HS3ST5: variants seen among roughly 807,000 people sequenced by gnomAD.
The protein encoded by HS3ST5 is heparan sulfate-glucosamine 3-sulfotransferase 5.
HS3ST5 carries 10 observed loss-of-function variants against 25.4 expected under a neutral mutation model. The ratio of observed to expected loss-of-function variants is 0.39; its 90% CI spans 0.24 to 0.67. The LOEUF (loss-of-function observed/expected upper bound fraction) is 0.67. Ranked by LOEUF, HS3ST5 falls within the 30% of genes least tolerant of loss-of-function variation. The probability of loss-of-function intolerance (pLI) is 0.44; values close to 1 mark genes in which losing one functional copy is unlikely to be tolerated. For missense variants in HS3ST5, 324 were observed against 420.7 expected, an observed-to-expected ratio of 0.77 and a Z score of 2.01; for synonymous variants, 170 against 162.4, an observed-to-expected ratio of 1.05 and a Z score of -0.36.
chr6:114,149,058 G>A (rs1046495867), intron 3 of HS3ST5, among the ~76,000 whole-genome samples: 2 of 152,166 alleles, frequency 1.3e-5, no homozygotes, highest in African/African-American at 4.8e-5. Context: ...TTAAAATGGT[G>A]ATTATTAAAA....
intron 3 of HS3ST5, among the ~76,000 whole-genome samples, chr6:114,095,840 G>A (rs1474127824): frequency 1.3e-5 from 2 of 152,020 alleles, no homozygotes; most frequent in South Asian, 2.1e-4. Context: ...AGTCCCCAAA[G>A]CCTTCCATAG....
intron 1 of HS3ST5, among the ~76,000 whole-genome samples, chr6:114,268,579 G>A (rs1240618647): frequency 6.6e-6 from 1 of 152,120 alleles, no homozygotes; most frequent in African/African-American, 2.4e-5. Context: ...TATGAAAGAA[G>A]GAATACTCAT....
chr6:114,126,171 C>T (rs889456336), intron 3 of HS3ST5, among the ~76,000 whole-genome samples: 1 of 152,176 alleles, frequency 6.6e-6, no homozygotes, highest in Non-Finnish European at 1.5e-5. Flanking sequence ...GCCAAATACA[C>T]ATTCTACGCA....
At chr6:114,079,922 T>C (rs1431412465) in intron 3 of HS3ST5, among the ~76,000 whole-genome samples, 1 of 152,062 alleles carries the variant, frequency 6.6e-6, no homozygotes. Context: ...ATTACAGGCA[T>C]GTGCCACCAT....
chr6:114,258,730 G>T (rs1417569384), intron 1 of HS3ST5, among the ~76,000 whole-genome samples: 1 of 152,036 alleles, frequency 6.6e-6, no homozygotes, highest in East Asian at 1.9e-4. Flanking sequence ...TGGGTATTCT[G>T]ACCTCTTGCT....
intron 1 of HS3ST5, among the ~76,000 whole-genome samples, chr6:114,339,031 G>A (rs1776721097): frequency 6.6e-6 from 1 of 151,938 alleles, no homozygotes; most frequent in African/African-American, 2.4e-5. Context: ...CTATTCACCT[G>A]TACTTAAAAT....
intron 2 of HS3ST5, among the ~76,000 whole-genome samples, chr6:114,188,503 C>T (rs1014015274): frequency 6.6e-6 from 1 of 152,160 alleles, no homozygotes; most frequent in African/African-American, 2.4e-5. Context: ...GACAGAGCTA[C>T]AGGGCTTATT....
intron 3 of HS3ST5, among the ~76,000 whole-genome samples, chr6:114,158,145 C>G (rs1475620519): frequency 1.3e-5 from 2 of 152,214 alleles, no homozygotes; most frequent in Non-Finnish European, 2.9e-5. Context: ...ACTTGCAAGC[C>G]TCGACAGCTT....
At chr6:114,136,869 T>A (rs1777644152) in intron 3 of HS3ST5, among the ~76,000 whole-genome samples, 1 of 152,214 alleles carries the variant, frequency 6.6e-6, no homozygotes, top group African/African-American at 2.4e-5. Context: ...TTTTCTGACC[T>A]CCTTTTGGCT....
chr6:114,333,756 C>G (rs73544455), intron 1 of HS3ST5, among the ~76,000 whole-genome samples: 9,585 of 151,812 alleles, frequency 0.063, 546 homozygotes, highest in African/African-American at 0.15. Context: ...CGTATTACGG[C>G]TAATATTTTT....
chr6:114,246,970 A>C (rs1045363228), intron 1 of HS3ST5, among the ~76,000 whole-genome samples: 2 of 152,256 alleles, frequency 1.3e-5, no homozygotes, highest in African/African-American at 4.8e-5. Flanking sequence ...TTATTACGGT[A>C]ACAGGAAAAA....
chr6:114,084,967 G>A (rs1018991049), intron 3 of HS3ST5, among the ~76,000 whole-genome samples: 1 of 151,606 alleles, frequency 6.6e-6, no homozygotes, highest in South Asian at 2.1e-4. Context: ...AAGTAGCTGG[G>A]ACTACAGGTG....
intron 1 of HS3ST5, among the ~76,000 whole-genome samples, chr6:114,283,074 AG>A (rs1408016401): frequency 6.6e-6 from 1 of 151,970 alleles, no homozygotes; most frequent in Non-Finnish European, 1.5e-5. Context: ...CTACAGGGAG[AG>A]AAAGACAGTA....
chr6:114,222,440 T>C (rs1782086533), intron 2 of HS3ST5, among the ~76,000 whole-genome samples: 2 of 151,866 alleles, frequency 1.3e-5, no homozygotes, highest in African/African-American at 4.8e-5. Flanking sequence ...AATTACAATG[T>C]ATATAGGAAT....
At chr6:114,324,329 G>A (rs948944566) in intron 1 of HS3ST5, among the ~76,000 whole-genome samples, 5 of 152,094 alleles carry the variant, frequency 3.3e-5, no homozygotes, top group African/African-American at 9.7e-5. Flanking sequence ...GGCCTTAGAG[G>A]GACAAGTAGT....
In HS3ST5 at chr6:114,127,851, T is replaced by TAG. The variant is rs1181762566; in HGVS notation, c.-33+40499_-33+40500insCT. 2.2e-3 allele frequency among the ~76,000 whole-genome samples: 330 copies of TAG among 149,014 alleles called. 4 individuals carry two copies. Among genetic ancestry groups the TAG allele is most frequent in the Admixed American group, 0.015 (217 of 14,908 alleles). On this transcript the variant is annotated intron_variant, in intron 3 of 4. Transcript: ENST00000312719. ...GTCAAAAAGGACAAATATATATATA[T>TAG]ATATAGAGAGAGAGAGAGAGAGACT... is the stretch of plus-strand genomic sequence containing the variant.
intron 2 of HS3ST5, among the ~76,000 whole-genome samples, chr6:114,190,484 A>G (rs1441358547): frequency 6.6e-6 from 1 of 152,076 alleles, no homozygotes; most frequent in African/African-American, 2.4e-5. Flanking sequence ...TGTGCCTTTT[A>G]AAAAAATAAA....
Position 114,243,338 on chromosome 6 carries a change from T to A in HS3ST5, c.-338-14560A>T, listed in dbSNP as rs183058864. Among the ~76,000 whole-genome samples the A allele has an allele frequency of 5.9e-5, 9 of 152,334 alleles. No homozygotes were observed. In the East Asian group the frequency reaches 1.5e-3, roughly 26 times the overall value. On this transcript the variant is annotated intron_variant, in intron 1 of 4. Transcript: ENST00000312719. ...TCAGAACTGAACTGAGTGGACAGTA[T>A]AGGAGATCTCAGCATCATACTTAAA...
At chr6:114,075,561 G>T (rs1382131119) in intron 3 of HS3ST5, among the ~76,000 whole-genome samples, 3 of 152,210 alleles carry the variant, frequency 2.0e-5, no homozygotes, top group African/African-American at 7.2e-5. Context: ...GAAAGGCCCT[G>T]TGCTTGGTTT....
Sources: gnomAD v4.1 joint callset for allele counts (sites outside exome capture counted in the v4.1 genomes callset) on GRCh38, gnomAD v4.1.1 for gene constraint, MANE v1.5 for transcripts, NCBI Gene and HGNC (gene_info 2026-07-23, HGNC 2026-07-21) for gene names.